Variants in ELP4 observed in about 807,000 individuals in gnomAD.
The protein encoded by ELP4 is elongator complex protein 4.
ELP4 carries 51 observed loss-of-function variants against 48.9 expected under a neutral mutation model. The observed-to-expected ratio is 1.04, with a 90% CI of 0.83 to 1.32. The LOEUF is 1.32. Among genes scored for constraint, ELP4 ranks in the 40% most tolerant of loss-of-function variants. The pLI is 0.00. For missense variants in ELP4, 519 were observed against 514.6 expected, an observed-to-expected ratio of 1.01 and a Z score of -0.08; for synonymous variants, 210 against 189.2, an observed-to-expected ratio of 1.11 and a Z score of -0.90.
At chr11:31,517,868 T>A (rs975661084) in intron 1 of ELP4, among the ~76,000 whole-genome samples, 19 of 152,070 alleles carry the variant, frequency 1.2e-4, no homozygotes, top group Non-Finnish European at 2.9e-5. Flanking sequence ...TCCACCCGTA[T>A]TGGCCTCCCA....
intron 9 of ELP4, among the ~76,000 whole-genome samples, chr11:31,702,497 C>T (rs1210968858): frequency 6.6e-6 from 1 of 151,894 alleles, no homozygotes; most frequent in Admixed American, 6.6e-5. Flanking sequence ...TTTAAATGTA[C>T]AGTTCAGTAC....
At chr11:31,747,564 A>G (rs1012006710) in intron 9 of ELP4, among the ~76,000 whole-genome samples, 8 of 152,246 alleles carry the variant, frequency 5.3e-5, no homozygotes, top group Admixed American at 2.6e-4. Context: ...CATAGCCTAT[A>G]TAAAATTCAC....
chr11:31,524,250 T>C (rs1054789468), intron 2 of ELP4, among the ~76,000 whole-genome samples: 3 of 152,222 alleles, frequency 2.0e-5, no homozygotes, highest in Non-Finnish European at 2.9e-5. Flanking sequence ...CACGGAGTCC[T>C]CAGCAAGCCT....
chr11:31,714,561 C>A (rs1366228896), intron 9 of ELP4: 1 of 397,824 alleles, frequency 2.5e-6, no homozygotes, highest in Non-Finnish European at 4.4e-6. Context: ...TTTTCTATTG[C>A]TGCTATGAAA....
intron 7 of ELP4, among the ~76,000 whole-genome samples, chr11:31,643,561 ACT>A (rs1228553338): frequency 1.3e-5 from 2 of 151,832 alleles, no homozygotes; most frequent in Non-Finnish European, 2.9e-5. Flanking sequence ...TTACTTGGTA[ACT>A]CTAAGTAGAT....
intron 9 of ELP4, chr11:31,682,040 C>T (rs1946064180): frequency 7.7e-7 from 1 of 1,291,936 alleles, no homozygotes; most frequent in Non-Finnish European, 1.0e-6. Context: ...CGCGCCCGGC[C>T]TAGGGCTTTG....
intron 9 of ELP4, among the ~76,000 whole-genome samples, chr11:31,736,980 G>A (rs1364812797): frequency 1.3e-5 from 2 of 152,164 alleles, no homozygotes; most frequent in African/African-American, 4.8e-5. Context: ...TATACCTAAA[G>A]GATTACAAAG....
chr11:31,630,867 C>G (rs1428632773), intron 6 of ELP4, among the ~76,000 whole-genome samples: 1 of 151,914 alleles, frequency 6.6e-6, no homozygotes, highest in Non-Finnish European at 1.5e-5. Context: ...ATCACTTGAG[C>G]CCAGGAGTTC....
At chr11:31,703,874 A>G (rs1236830283) in intron 9 of ELP4, among the ~76,000 whole-genome samples, 3 of 152,216 alleles carry the variant, frequency 2.0e-5, no homozygotes, top group African/African-American at 7.2e-5. Context: ...ATGGCAGAAA[A>G]TAGAAATCAT....
At chr11:31,566,098 G>A (rs1286816930) in intron 3 of ELP4, among the ~76,000 whole-genome samples, 1 of 152,006 alleles carries the variant, frequency 6.6e-6, no homozygotes, top group Admixed American at 6.6e-5. Context: ...GCTCATATAA[G>A]TGTAATCCTA....
chr11:31,613,462 A>C (rs1958019079), intron 5 of ELP4, among the ~76,000 whole-genome samples: 1 of 152,168 alleles, frequency 6.6e-6, no homozygotes, highest in Admixed American at 6.6e-5. Context: ...CATAGTAATA[A>C]TAATCCTCTT....
intron 9 of ELP4, among the ~76,000 whole-genome samples, chr11:31,665,677 T>G: frequency 7.0e-6 from 1 of 143,362 alleles, no homozygotes; most frequent in East Asian, 2.0e-4. Flanking sequence ...TTTTTTTTTT[T>G]TGAGAGATTC....
At chr11:31,540,432 T>C (rs1158667265) in intron 3 of ELP4, among the ~76,000 whole-genome samples, 2 of 152,332 alleles carry the variant, frequency 1.3e-5, no homozygotes, top group East Asian at 3.9e-4. Context: ...AAAAATAAAC[T>C]GATTCCAAGG....
intron 9 of ELP4, among the ~76,000 whole-genome samples, chr11:31,721,424 A>G (rs1203340323): frequency 6.6e-6 from 1 of 152,228 alleles, no homozygotes; most frequent in East Asian, 1.9e-4. Flanking sequence ...AGCCACAAAT[A>G]ACATTAGTAC....
chr11:31,611,162 A>G (rs571525862), intron 5 of ELP4, among the ~76,000 whole-genome samples: 8 of 152,100 alleles, frequency 5.3e-5, no homozygotes, highest in Non-Finnish European at 1.0e-4. Flanking sequence ...TGACTTTTTC[A>G]ACATAGTACT....
At chr11:31,726,025 G>T (rs1017597540) in intron 9 of ELP4, among the ~76,000 whole-genome samples, 5 of 152,206 alleles carry the variant, frequency 3.3e-5, no homozygotes, top group African/African-American at 1.2e-4. Flanking sequence ...CTTAACAAAG[G>T]AGGGTGGTAT....
At chr11:31,533,555 C>G (rs1433573113) in intron 2 of ELP4, among the ~76,000 whole-genome samples, 2 of 148,280 alleles carry the variant, frequency 1.3e-5, no homozygotes, top group African/African-American at 5.0e-5. Flanking sequence ...TTTTTTTTTT[C>G]TTTTTGTATT....
At chr11:31,523,398 A>G (rs947888965) in intron 2 of ELP4, among the ~76,000 whole-genome samples, 5 of 152,212 alleles carry the variant, frequency 3.3e-5, no homozygotes, top group African/African-American at 7.2e-5. Context: ...ACATTTTACT[A>G]TAGATTTCCA....
intron 6 of ELP4, chr11:31,628,523 A>G (rs1472763946): frequency 1.3e-5 from 2 of 151,940 alleles, no homozygotes; most frequent in Admixed American, 1.3e-4. Flanking sequence ...AGAGTAAAAC[A>G]TTTGTTTTCT....
Sources: allele counts gnomAD v4.1 joint callset (sites outside exome capture counted in the v4.1 genomes callset), GRCh38; gene constraint gnomAD v4.1.1; transcripts MANE v1.5; gene names NCBI Gene and HGNC (gene_info 2026-07-23, HGNC 2026-07-21).